Variants in MAVS observed in about 807,000 individuals in gnomAD.
The protein encoded by MAVS is mitochondrial antiviral signaling protein.
Under a neutral mutation model 30.2 loss-of-function variants are expected in MAVS, and 20 were observed. That is an observed-to-expected ratio of 0.66 (90% confidence interval 0.47 to 0.96). The LOEUF (loss-of-function observed/expected upper bound fraction) is 0.96, where lower values mean the gene tolerates loss of function less well. Among genes scored for constraint, MAVS ranks in the 40% least tolerant of loss-of-function variants. The pLI is 0.00. For missense variants in MAVS, 624 were observed against 701.1 expected (o/e 0.89, Z 1.24); for synonymous variants, 278 against 293.9 (o/e 0.95, Z 0.55).
intron 1 of MAVS, among the ~76,000 whole-genome samples, chr20:3,850,624 C>T (rs549764727): frequency 1.1e-3 from 159 of 149,522 alleles, no homozygotes; most frequent in Non-Finnish European, 1.6e-3. Context: ...CAGTGGCTCA[C>T]GCCTGTAATC....
Position 3,865,101 on chromosome 20 carries a change from G to A in MAVS, c.1158+313G>A, listed in dbSNP as rs1336121779. ...GTTCCTAGTGAAGCCGAGCGGTGCC[G>A]TTTTGCACATAAGGAAGCAGTGACG... On this transcript the variant is annotated intron_variant, in intron 6 of 6. Transcript: ENST00000428216. The surrounding 1 kb of genome is among the most constrained non-coding windows in gnomAD (Gnocchi z 4.7). 2.0e-5 allele frequency among the ~76,000 whole-genome samples: 3 copies of A among 152,196 alleles called. No homozygotes were observed. The highest frequency in any genetic ancestry group is 1.5e-5 in the Non-Finnish European group (1 of 68,036).
chr20:3,865,854 A>C lies in MAVS; in HGVS notation c.1330A>C (p.Ser444Arg), dbSNP rs776462403. Residue 444 changes from serine to arginine, a missense_variant, in exon 7 of 7, where the codon AGC becomes CGC. Ser to Arg is a moderately radical substitution (Grantham distance 110, BLOSUM62 -1). Transcript: ENST00000428216. This position sits in a 1 kb window ranked among gnomAD's most constrained non-coding sequence, Gnocchi z 4.7. The stretch of plus-strand genomic sequence containing the variant: ...CTTCGAGGATCTTGCCATCAGTGCC[A>C]GCACCTCCTTGGGCATGGGGCCCTG... ...GCFEDLAISA[S>R]TSLGMGPCHG... 1 of 1,613,938 alleles carries C rather than the reference A, an allele frequency of 6.2e-7. No individual in the cohort carries two copies. Among genetic ancestry groups the C allele is most frequent in the African/African-American group, 1.3e-5 (1 of 74,940 alleles).
intron 3 of MAVS, 112 bp downstream of exon 3, chr20:3,857,921 C>T: frequency 8.1e-7 from 1 of 1,230,208 alleles, no homozygotes. Flanking sequence ...TTTCTTGTCA[C>T]TGTGAAGCGA....
At chr20:3,856,012 AG>A (rs1345254881) in intron 2 of MAVS, among the ~76,000 whole-genome samples, 2 of 147,306 alleles carry the variant, frequency 1.4e-5, no homozygotes, top group African/African-American at 5.0e-5. Context: ...TTTATTTTTG[AG>A]ACAGAGTCTT....
chr20:3,857,002 C>T (rs2146764343), intron 2 of MAVS, among the ~76,000 whole-genome samples: 1 of 149,774 alleles, frequency 6.7e-6, no homozygotes, highest in African/African-American at 2.5e-5. Context: ...CGGCACTGCA[C>T]TCCAGCCTGG....
intron 4 of MAVS, 102 bp from the exon 5 acceptor site, chr20:3,862,151 TG>T: frequency 7.6e-7 from 1 of 1,316,092 alleles, no homozygotes; most frequent in African/African-American, 1.5e-5. Flanking sequence ...CTGTGCTCCA[TG>T]GTGTGGGCTG....
rs368279390 is a variant in MAVS at position 3,859,886 on chromosome 20, A to G, written c.293-1446A>G. Among the ~76,000 whole-genome samples the G allele has an allele frequency of 2.2e-3, 327 of 148,554 alleles. 6 individuals are homozygous for G. Among genetic ancestry groups the G allele is most frequent in the African/African-American group, 4.7e-3 (191 of 40,352 alleles). On this transcript the variant is annotated intron_variant, in intron 3 of 6. Coordinates refer to ENST00000428216, the MANE Select transcript of MAVS (RefSeq NM_020746.5). ...GGCTGGAGTGCAGTGGTGCCATCTC[A>G]GCTCACTGCAAGCTCCGCCTCCCGG...
chr20:3,852,525 G>C (rs1227309350), intron 1 of MAVS, among the ~76,000 whole-genome samples: 4 of 152,036 alleles, frequency 2.6e-5, no homozygotes, highest in Non-Finnish European at 4.4e-5. Context: ...GAGGGCCTTA[G>C]AGCCAGGAAG....
At position 3,875,298 on chromosome 20, in the gene MAVS, C is replaced by T. The variant is rs1182632005; in HGVS notation, c.*9151C>T. On this transcript the variant is annotated 3_prime_UTR_variant, in exon 7 of 7. Transcript: ENST00000428216. ...AGGCATGATGATATATGCCTGTAGT[C>T]CCAACTACTTGGAAGGCTGAGGTGT... 6.6e-6 allele frequency: 1 copy of T among 152,028 alleles called. No individual in the cohort carries two copies. Among genetic ancestry groups the T allele is most frequent in the African/African-American group, 2.4e-5 (1 of 41,382 alleles). The allele number at this position is 152,028 out of a possible 1,614,324, so 9.4% of individuals were successfully genotyped here.
chr20:3,849,834 G>A (rs561392441), intron 1 of MAVS, among the ~76,000 whole-genome samples: 2 of 152,312 alleles, frequency 1.3e-5, no homozygotes, highest in East Asian at 3.9e-4. Context: ...ATATAAATTG[G>A]ATGTGGCATA....
rs1452410986 is a variant in MAVS, at chr20:3,873,523, G to C, written c.*7376G>C. On this transcript the variant is annotated 3_prime_UTR_variant, in exon 7 of 7. Transcript: ENST00000428216. ...CACTCCAGCCTGGGTGACAGAGCGA[G>C]ACTCCATCTCAAAAAAATAATAAAG... The C allele has an allele frequency of 6.6e-6, 1 of 152,472 alleles. No individual in the cohort carries two copies. Among genetic ancestry groups the C allele is most frequent in the Non-Finnish European group, 1.5e-5 (1 of 68,316 alleles). 9.4% of individuals were successfully genotyped at this position (152,472 alleles called of 1,614,324 possible). A position where few individuals can be genotyped will look rare whatever the true frequency, so the allele number is the denominator to read the frequency against.
rs993212933 is a variant in MAVS at position 3,864,297 on chromosome 20, C to T, written c.667C>T (p.Pro223Ser). Residue 223 changes from proline to serine, a missense_variant, in exon 6 of 7, where the codon CCA (proline) becomes TCA (serine). Physicochemically the swap from Pro to Ser is moderately conservative, Grantham distance 74. Transcript: ENST00000428216. The part of the protein sequence containing the change: ...SLTPSRGPVS[P>S]SVSFQPLARS... ...CACACCATCCCGTGGGCCTGTGTCT[C>T]CATCTGTCTCCTTCCAGCCCCTGGC... is the stretch of plus-strand genomic sequence containing the variant. 2.5e-6 allele frequency: 4 copies of T among 1,613,422 alleles called. No homozygotes were observed. The highest frequency in any genetic ancestry group is 3.4e-6 in the Non-Finnish European group (4 of 1,179,698).
chr20:3,851,781 C>T (rs924485528), intron 1 of MAVS, among the ~76,000 whole-genome samples: 4 of 151,852 alleles, frequency 2.6e-5, no homozygotes, highest in African/African-American at 9.7e-5. Context: ...CATGGAGAAA[C>T]CCTGTCTCTA....
chr20:3,867,132 A>C lies in MAVS; in HGVS notation c.*985A>C. The C allele has an allele frequency of 2.2e-6, 1 of 450,574 alleles. No homozygotes were observed. The highest frequency in any genetic ancestry group is 1.6e-5 in the South Asian group (1 of 63,632). 27.9% of individuals were successfully genotyped at this position (450,574 alleles called of 1,614,324 possible). On this transcript the variant is annotated 3_prime_UTR_variant, in exon 7 of 7. Coordinates refer to ENST00000428216, the MANE Select transcript of MAVS (RefSeq NM_020746.5). ...GTAGAGCTGAGGGCATGAGAGGCAG[A>C]GTGCACAGTGGTCAAGGGTGCAGCT...
In MAVS at chr20:3,874,135, C is replaced by T. The variant is rs2089974532; in HGVS notation, c.*7988C>T. On this transcript the variant is annotated 3_prime_UTR_variant, in exon 7 of 7. Coordinates refer to ENST00000428216, the MANE Select transcript of MAVS (RefSeq NM_020746.5). ...TGCACAGCAACATGGATAAATTTCA[C>T]AGACATGAGGTCAAGCAAAAGAGGT... 2.5e-6 allele frequency: 1 copy of T among 398,466 alleles called. No homozygotes were observed. The highest frequency in any genetic ancestry group is 2.1e-5 in the African/African-American group (1 of 48,608). 24.7% of individuals were successfully genotyped at this position (398,466 alleles called of 1,614,324 possible).
At chr20:3,856,572 G>A (rs1203359263) in intron 2 of MAVS, among the ~76,000 whole-genome samples, 2 of 151,382 alleles carry the variant, frequency 1.3e-5, no homozygotes, top group African/African-American at 4.9e-5. Flanking sequence ...GGCTGGTCTT[G>A]AACTCCTGAC....
Position 3,865,622 on chromosome 20 carries a change from C to T in MAVS, c.1159-61C>T. On this transcript the variant is annotated intron_variant, in intron 6 of 6. Transcript: ENST00000428216. This position sits in a 1 kb window ranked among gnomAD's most constrained non-coding sequence, Gnocchi z 4.7. ...TGCCCTGGCCTGGGAATGGGACCGC[C>T]CTACCAGGTTCGTCTCCCTGCCAAC... 1 of 1,464,228 alleles carries T rather than the reference C, an allele frequency of 6.8e-7. No individual in the cohort carries two copies. Among genetic ancestry groups the T allele is most frequent in the Non-Finnish European group, 9.2e-7 (1 of 1,089,046 alleles). The allele number at this position is 1,464,228 out of a possible 1,614,324, so 90.7% of individuals were successfully genotyped here.
In MAVS at chr20:3,866,153, C is replaced by CA. The variant is rs2089907037; in HGVS notation, c.*6_*7insA. ...ACCGGCGGCGTCTGCACTAGTGAAGCCCTGGGCTCTTCCCACCACCCATCT... is the reference window on the plus strand; with the variant it reads ...ACCGGCGGCGTCTGCACTAGTGAAGCACCTGGGCTCTTCCCACCACCCATCT... On this transcript the variant is annotated 3_prime_UTR_variant, in exon 7 of 7. Transcript: ENST00000428216. 1.3e-6 allele frequency: 2 copies of CA among 1,567,412 alleles called. No homozygotes were observed. The highest frequency in any genetic ancestry group is 1.7e-6 in the Non-Finnish European group (2 of 1,159,786).
rs761605735 is a variant in MAVS at position 3,874,899 on chromosome 20, A to AC, written c.*8758dup. 6.6e-6 allele frequency: 1 copy of AC among 152,100 alleles called. No homozygotes were observed. Among genetic ancestry groups the AC allele is most frequent in the Non-Finnish European group, 1.5e-5 (1 of 68,046 alleles). 9.4% of individuals were successfully genotyped at this position (152,100 alleles called of 1,614,324 possible). Reference sequence around the variant, plus strand: ...CACAGTACTTCCTCCAGCTGCCTACACCCCCCTAGGGTCAGTGGCGCCTGC... The same window carrying AC: ...CACAGTACTTCCTCCAGCTGCCTACACCCCCCCTAGGGTCAGTGGCGCCTGC... On this transcript the variant is annotated 3_prime_UTR_variant, in exon 7 of 7. Transcript: ENST00000428216.
Sources: allele counts gnomAD v4.1 joint callset (sites outside exome capture counted in the v4.1 genomes callset), GRCh38; gene constraint gnomAD v4.1.1; non-coding constraint Gnocchi (gnomAD v3.1); transcripts MANE v1.5; gene names NCBI Gene and HGNC (gene_info 2026-07-23, HGNC 2026-07-21).